ITGBL1: variants seen among roughly 807,000 people sequenced by gnomAD.
ITGBL1 encodes integrin subunit beta like 1.
Under a neutral mutation model 68.5 loss-of-function variants are expected in ITGBL1, and 51 were observed. The observed-to-expected ratio is 0.74, with a 90% CI of 0.59 to 0.94. ITGBL1 has a LOEUF of 0.94. ITGBL1 is among the 40% of genes least tolerant of loss of function. The pLI, the probability that ITGBL1 is intolerant of heterozygous loss-of-function variation, is 0.00. For missense variants in ITGBL1, 649 were observed against 647.4 expected (o/e 1.00, Z -0.03); for synonymous variants, 209 against 227.3 (o/e 0.92, Z 0.72).
At chr13:101,702,573 T>C (rs911354362) in intron 8 of ITGBL1, among the ~76,000 whole-genome samples, 4 of 143,200 alleles carry the variant, frequency 2.8e-5, no homozygotes, top group African/African-American at 7.5e-5. Flanking sequence ...ATAGTACTAA[T>C]TAAATTTGAA....
intron 7 of ITGBL1, among the ~76,000 whole-genome samples, chr13:101,689,323 G>C (rs1230876428): frequency 6.6e-6 from 1 of 151,546 alleles, no homozygotes; most frequent in Non-Finnish European, 1.5e-5. Context: ...ATTTGGTGAA[G>C]TTTTCCTTGG....
chr13:101,650,498 T>G (rs1384968153), intron 7 of ITGBL1, among the ~76,000 whole-genome samples: 1 of 152,196 alleles, frequency 6.6e-6, no homozygotes, highest in African/African-American at 2.4e-5. Context: ...TTACTTTTCT[T>G]TAGCATTTGT....
At chr13:101,578,649 A>T (rs529169838) in intron 4 of ITGBL1, among the ~76,000 whole-genome samples, 2 of 152,304 alleles carry the variant, frequency 1.3e-5, no homozygotes, top group East Asian at 3.9e-4. Context: ...GAGTGCCCTT[A>T]CCTGTCATTT....
intron 2 of ITGBL1, among the ~76,000 whole-genome samples, chr13:101,495,779 T>C (rs1306131133): frequency 6.6e-6 from 1 of 152,142 alleles, no homozygotes; most frequent in Non-Finnish European, 1.5e-5. Flanking sequence ...ATGGTGTCTG[T>C]CTGGGACCTG....
intron 2 of ITGBL1, among the ~76,000 whole-genome samples, chr13:101,560,949 C>T (rs940163719): frequency 2.0e-5 from 3 of 152,102 alleles, no homozygotes; most frequent in Non-Finnish European, 4.4e-5. Context: ...GTGTGATTCC[C>T]ATTCTTACAC....
chr13:101,702,583 A>G (rs534846834), intron 8 of ITGBL1, among the ~76,000 whole-genome samples: 1,675 of 94,708 alleles, frequency 0.018, 39 homozygotes, highest in African/African-American at 0.051. Context: ...TTAAATTTGA[A>G]AAAAAAAGGC....
intron 2 of ITGBL1, among the ~76,000 whole-genome samples, chr13:101,460,210 C>T (rs1361199939): frequency 1.3e-5 from 2 of 152,198 alleles, no homozygotes; most frequent in Non-Finnish European, 2.9e-5. Context: ...CGCAAAATAG[C>T]CCTTCCATGT....
intron 3 of ITGBL1, among the ~76,000 whole-genome samples, chr13:101,568,470 T>G (rs990535559): frequency 2.0e-5 from 3 of 152,132 alleles, no homozygotes; most frequent in Non-Finnish European, 2.9e-5. Context: ...AATATTCTTT[T>G]TACATTTGGG....
At chr13:101,519,895 C>T (rs2139131000) in intron 2 of ITGBL1, among the ~76,000 whole-genome samples, 1 of 152,192 alleles carries the variant, frequency 6.6e-6, no homozygotes, top group South Asian at 2.1e-4. Flanking sequence ...ACATCAGTGT[C>T]TCATGTGGTA....
intron 2 of ITGBL1, among the ~76,000 whole-genome samples, chr13:101,506,767 T>G (rs953144419): frequency 6.6e-6 from 1 of 152,206 alleles, no homozygotes; most frequent in African/African-American, 2.4e-5. Context: ...TTGACTTGTG[T>G]GACATGTAGG....
At chr13:101,452,992 C>T in intron 1 of ITGBL1, 61 bp downstream of exon 1, 1 of 1,381,620 alleles carries the variant, frequency 7.2e-7, no homozygotes, top group Non-Finnish European at 1.0e-6. Context: ...AGGGCTCAAG[C>T]TTGCAGGATG....
chr13:101,692,723 G>C, intron 8 of ITGBL1, 22 bp downstream of exon 8: 2 of 1,458,778 alleles, frequency 1.4e-6, no homozygotes, highest in South Asian at 1.1e-5. Context: ...TCTCATAGCT[G>C]TATGCTACCT....
chr13:101,679,935 A>C (rs182224362), intron 7 of ITGBL1, among the ~76,000 whole-genome samples: 4 of 152,338 alleles, frequency 2.6e-5, no homozygotes, highest in African/African-American at 9.6e-5. Flanking sequence ...CACATAGTCC[A>C]TGACTGATTA....
chr13:101,462,216 C>T (rs1024138571), intron 2 of ITGBL1, among the ~76,000 whole-genome samples: 7 of 152,270 alleles, frequency 4.6e-5, no homozygotes, highest in South Asian at 2.1e-4. Context: ...TTCTTACCAC[C>T]GTCGGAAAAC....
Position 101,473,836 on chromosome 13 carries a change from T to C in ITGBL1, c.316+19736T>C, listed in dbSNP as rs1310490459. Among the ~76,000 whole-genome samples the C allele has an allele frequency of 2.0e-5, 3 of 152,128 alleles. No individual in the cohort carries two copies. In the East Asian group the frequency reaches 5.8e-4, roughly 29 times the overall value. Reference sequence around the variant, plus strand: ...GCCCCCATTCGAGGCACTAGCTCCTTGTGCCAGAAGGAAACCCACTACCTT... The same window carrying C: ...GCCCCCATTCGAGGCACTAGCTCCTCGTGCCAGAAGGAAACCCACTACCTT... On this transcript the variant is annotated intron_variant, in intron 2 of 10. Coordinates refer to ENST00000376180, the MANE Select transcript of ITGBL1 (RefSeq NM_004791.3).
chr13:101,472,862 A>G (rs954129328), intron 2 of ITGBL1, among the ~76,000 whole-genome samples: 10 of 152,168 alleles, frequency 6.6e-5, no homozygotes, highest in African/African-American at 2.4e-4. Context: ...TCCATATCAA[A>G]TGAACACAAT....
chr13:101,675,435 C>T (rs959668810), intron 7 of ITGBL1, among the ~76,000 whole-genome samples: 2 of 152,054 alleles, frequency 1.3e-5, no homozygotes, highest in African/African-American at 4.8e-5. Flanking sequence ...GCTAGAAATC[C>T]AAGACAAAGA....
intron 7 of ITGBL1, among the ~76,000 whole-genome samples, chr13:101,616,422 T>C (rs2031363519): frequency 1.3e-5 from 2 of 152,164 alleles, no homozygotes; most frequent in Non-Finnish European, 2.9e-5. Flanking sequence ...TTTCCTTCTG[T>C]GGTATAAGTT....
intron 7 of ITGBL1, among the ~76,000 whole-genome samples, chr13:101,624,992 T>C (rs2031721024): frequency 6.6e-6 from 1 of 152,220 alleles, no homozygotes; most frequent in South Asian, 2.1e-4. Flanking sequence ...GAGATAATGC[T>C]TCTGAAACAG....
Sources: gnomAD v4.1 joint callset for allele counts (sites outside exome capture counted in the v4.1 genomes callset) on GRCh38, gnomAD v4.1.1 for gene constraint, MANE v1.5 for transcripts, NCBI Gene and HGNC (gene_info 2026-07-23, HGNC 2026-07-21) for gene names.